ALDH6A1: variants seen among roughly 807,000 people sequenced by gnomAD.
ALDH6A1 encodes methylmalonate-semialdehyde/malonate-semialdehyde dehydrogenase [acylating], mitochondrial.
ALDH6A1 carries 43 observed loss-of-function variants against 62.6 expected under a neutral mutation model. The observed-to-expected ratio is 0.69, with a 90% confidence interval of 0.54 to 0.89. The LOEUF (loss-of-function observed/expected upper bound fraction) is 0.89, where lower values mean the gene tolerates loss of function less well. Among genes scored for constraint, ALDH6A1 ranks in the 40% least tolerant of loss-of-function variants. The pLI is 0.00. For synonymous variants in ALDH6A1, 194 were observed against 234.2 expected, an observed-to-expected ratio of 0.83 and a Z score of 1.57; for missense variants, 551 against 661.3, an observed-to-expected ratio of 0.83 and a Z score of 1.83.
intron 6 of ALDH6A1, among the ~76,000 whole-genome samples, chr14:74,070,285 G>A (rs7140388): frequency 0.17 from 25,203 of 152,000 alleles, 2,593 homozygotes; most frequent in East Asian, 0.57. Flanking sequence ...TTGGGAGGCC[G>A]AGGCGGGTGG....
At position 74,056,946 on chromosome 14, in the gene ALDH6A1, G is replaced by A; in HGVS notation, c.*3696C>T. The A allele has an allele frequency of 1.2e-6, 2 of 1,613,872 alleles. No homozygotes were observed. Among genetic ancestry groups the A allele is most frequent in the Non-Finnish European group, 1.7e-6 (2 of 1,179,888 alleles). On this transcript the variant is annotated 3_prime_UTR_variant, in exon 12 of 12. Coordinates refer to ENST00000553458, the MANE Select transcript of ALDH6A1 (RefSeq NM_005589.4). ...TTCTAGGCCTCCAGTTCCAGACTAT[G>A]TTGTTTCTGACAGTGGGGAAACAAA...
At chr14:74,081,186 A>C (rs2060664498) in intron 1 of ALDH6A1, 1 of 152,224 alleles carries the variant, frequency 6.6e-6, no homozygotes, top group South Asian at 2.1e-4. Flanking sequence ...CACGCTATGA[A>C]ATAATAGCTT....
At chr14:74,065,102 T>TG (rs1448906789) in intron 10 of ALDH6A1, 79 bp downstream of exon 10, 1 of 1,549,136 alleles carries the variant, frequency 6.5e-7, no homozygotes, top group Admixed American at 1.7e-5. Context: ...CTTAAACCAA[T>TG]GACTCACCAT....
intron 2 of ALDH6A1, among the ~76,000 whole-genome samples, 194 bp from the exon 3 acceptor site, chr14:74,072,805 T>C (rs2060568826): frequency 6.7e-6 from 1 of 148,356 alleles, no homozygotes; most frequent in Non-Finnish European, 1.5e-5. Context: ...TGTGTGTTTA[T>C]TTTTTTTTTG....
chr14:74,081,644 A>C (rs4646858), intron 1 of ALDH6A1, among the ~76,000 whole-genome samples: 78,946 of 151,852 alleles, frequency 0.52, 21,208 homozygotes, highest in East Asian at 0.89. Flanking sequence ...TATCCTTTAT[A>C]AGGAACTCCT....
In ALDH6A1 at chr14:74,064,889, A is replaced by G; in HGVS notation, c.1436T>C (p.Leu479Ser). 1 of 1,614,110 alleles carries G rather than the reference A, an allele frequency of 6.2e-7. No homozygotes were observed. Among genetic ancestry groups the G allele is most frequent in the Non-Finnish European group, 8.5e-7 (1 of 1,180,012 alleles). The change falls in exon 11 of 12, where the codon TTG (leucine) becomes TCG (serine). Residue 479 changes from leucine (L) to serine (S), a missense_variant. Transcript: ENST00000553458. Reference sequence around the variant, plus strand: ...AGAGCCGGTGAATGAGAACATTGGCAAAGGCACTGGAATGGGGACATTCAC... The same window carrying G: ...AGAGCCGGTGAATGAGAACATTGGCGAAGGCACTGGAATGGGGACATTCAC... ...VGVNVPIPVP[L>S]PMFSFTGSRS...
intron 11 of ALDH6A1, 52 bp downstream of exon 11, chr14:74,064,770 C>T (rs1195098628): frequency 6.2e-7 from 1 of 1,611,772 alleles, no homozygotes; most frequent in African/African-American, 1.3e-5. Context: ...TCCTGAATAT[C>T]TTTAAGAAAA....
chr14:74,075,605 C>T (rs750124500), intron 1 of ALDH6A1, among the ~76,000 whole-genome samples: 2 of 151,548 alleles, frequency 1.3e-5, no homozygotes, highest in African/African-American at 2.4e-5. Context: ...TGCAGTGAAC[C>T]GTGATTATGC....
chr14:74,060,333 C>G lies in ALDH6A1; in HGVS notation c.*309G>C, dbSNP rs150950908. Reference sequence around the variant, plus strand: ...TTCTTTACATACACTGGCTTTTCTCCCCTTCAAATCATCAGAAAATGGGAT... The same window carrying G: ...TTCTTTACATACACTGGCTTTTCTCGCCTTCAAATCATCAGAAAATGGGAT... On this transcript the variant is annotated 3_prime_UTR_variant, in exon 12 of 12. Coordinates refer to ENST00000553458, the MANE Select transcript of ALDH6A1 (RefSeq NM_005589.4). 2 of 336,918 alleles carry G rather than the reference C, an allele frequency of 5.9e-6. No homozygotes were observed. The highest frequency in any genetic ancestry group is 1.3e-4 in the East Asian group (2 of 15,454). The allele number at this position is 336,918 out of a possible 1,614,324, so 20.9% of individuals were successfully genotyped here. A position where few individuals can be genotyped will look rare whatever the true frequency, so the allele number is the denominator to read the frequency against.
At chr14:74,070,958 C>T in intron 6 of ALDH6A1, 4 of 550,298 alleles carry the variant, frequency 7.3e-6, no homozygotes. Context: ...CTGTGTCTAG[C>T]CCTAATCCAT....
At chr14:74,080,365 TTTC>T (rs1437581081) in intron 1 of ALDH6A1, among the ~76,000 whole-genome samples, 3 of 109,520 alleles carry the variant, frequency 2.7e-5, no homozygotes, top group East Asian at 4.6e-4. Context: ...TGTTAAACTC[TTTC>T]TTTTTTTTTT....
At position 74,059,834 on chromosome 14, in the gene ALDH6A1, C is replaced by T. The variant is rs2060301512; in HGVS notation, c.*808G>A. 1 of 154,062 alleles carries T rather than the reference C, an allele frequency of 6.5e-6. No individual in the cohort carries two copies. Among genetic ancestry groups the T allele is most frequent in the African/African-American group, 2.4e-5 (1 of 41,434 alleles). 9.5% of individuals were successfully genotyped at this position (154,062 alleles called of 1,614,324 possible). A position where few individuals can be genotyped will look rare whatever the true frequency, so the allele number is the denominator to read the frequency against. ...ATTTATCCATTGCTTACTGAGGTAT[C>T]CTTGAGAAGTGATCTTAAGCAGGAG... is the stretch of plus-strand genomic sequence containing the variant. On this transcript the variant is annotated 3_prime_UTR_variant, in exon 12 of 12. Coordinates refer to ENST00000553458, the MANE Select transcript of ALDH6A1 (RefSeq NM_005589.4).
At chr14:74,069,980 T>G (rs983267904) in intron 6 of ALDH6A1, among the ~76,000 whole-genome samples, 50 of 151,002 alleles carry the variant, frequency 3.3e-4, no homozygotes, top group African/African-American at 1.2e-3. Context: ...TGGGACTACC[T>G]GCACATGCCA....
At chr14:74,072,076 GGA>G (rs1314754893) in intron 4 of ALDH6A1, 102 bp from the exon 5 acceptor site, 3 of 1,565,062 alleles carry the variant, frequency 1.9e-6, no homozygotes, top group African/African-American at 1.4e-5. Flanking sequence ...GCAGTACAAG[GGA>G]GAGAGTCATG....
rs1456495520 is a variant in ALDH6A1 at position 74,081,323 on chromosome 14, G to C, written c.48+3024C>G. The C allele has an allele frequency of 2.6e-5, 4 of 152,108 alleles. No individual in the cohort carries two copies. The South Asian group carries it at 8.3e-4, about 31-fold the overall frequency. 9.4% of individuals were successfully genotyped at this position (152,108 alleles called of 1,614,324 possible). A position where few individuals can be genotyped will look rare whatever the true frequency, so the allele number is the denominator to read the frequency against. ...TTGCACAATGAAAGAATGAGTACTC[G>C]CCAAGCAATCATTTGATATTGTTTC... On this transcript the variant is annotated intron_variant, in intron 1 of 11. Transcript: ENST00000553458.
chr14:74,062,247 T>C (rs771355115), intron 11 of ALDH6A1, among the ~76,000 whole-genome samples: 1 of 151,840 alleles, frequency 6.6e-6, no homozygotes, highest in Non-Finnish European at 1.5e-5. Flanking sequence ...TTTTAAACAA[T>C]AGTTGTACTC....
At position 74,071,222 on chromosome 14, in the gene ALDH6A1, A is replaced by G. The variant is rs1220536828; in HGVS notation, c.703T>C (p.Leu235=). Residue 235 remains leucine (L), a synonymous_variant, in exon 6 of 12, where the codon TTA becomes CTA. Coordinates refer to ENST00000553458, the MANE Select transcript of ALDH6A1 (RefSeq NM_005589.4). ...LQDSGAPDGT[L]NIIHGQHEAV... ...TCATGCTGTCCATGGATGATGTTTA[A>G]TGTTCCATCAGGGGCACCAGAATCC... The G allele has an allele frequency of 1.2e-6, 2 of 1,614,218 alleles. No individual in the cohort carries two copies. Among genetic ancestry groups the G allele is most frequent in the Non-Finnish European group, 1.7e-6 (2 of 1,180,038 alleles).
Position 74,057,103 on chromosome 14 carries a change from G to A in ALDH6A1, c.*3539C>T. 1 of 1,604,802 alleles carries A rather than the reference G, an allele frequency of 6.2e-7. No homozygotes were observed. Among genetic ancestry groups the A allele is most frequent in the Non-Finnish European group, 8.5e-7 (1 of 1,174,380 alleles). On this transcript the variant is annotated 3_prime_UTR_variant, in exon 12 of 12. Transcript: ENST00000553458. Reference sequence around the variant, plus strand: ...TTATTCTAAACCAGGTTTCATGTGTGTAGAGTTGTTGACGGTTCTGTTATT... The same window carrying A: ...TTATTCTAAACCAGGTTTCATGTGTATAGAGTTGTTGACGGTTCTGTTATT...
intron 6 of ALDH6A1, chr14:74,070,869 G>C (rs2060539925): frequency 6.0e-6 from 2 of 335,554 alleles, no homozygotes; most frequent in African/African-American, 2.1e-5. Context: ...CAGTATCTCT[G>C]AGATCTGCAA....
Sources: gnomAD v4.1 joint callset for allele counts (sites outside exome capture counted in the v4.1 genomes callset) on GRCh38, gnomAD v4.1.1 for gene constraint, MANE v1.5 for transcripts, NCBI Gene and HGNC (gene_info 2026-07-23, HGNC 2026-07-21) for gene names.